Variants in STIM1 observed in about 807,000 individuals in gnomAD.
STIM1 encodes the protein stromal interaction molecule 1.
Under a neutral mutation model 74.7 loss-of-function variants are expected in STIM1, and 25 were observed. That is an observed-to-expected ratio of 0.33 (90% confidence interval 0.24 to 0.47). The LOEUF is 0.47. Among genes scored for constraint, STIM1 ranks in the 20% least tolerant of loss-of-function variants. The pLI, the probability that STIM1 is intolerant of heterozygous loss-of-function variation, is 1.00. For missense variants in STIM1, 728 were observed against 920.8 expected (o/e 0.79, Z 2.71); for synonymous variants, 328 against 348.8 (o/e 0.94, Z 0.66).
chr11:3,878,589 C>T (rs751235429), intron 1 of STIM1, among the ~76,000 whole-genome samples: 3 of 152,106 alleles, frequency 2.0e-5, no homozygotes, highest in Non-Finnish European at 4.4e-5. Flanking sequence ...GATTTGAAAC[C>T]AGGTCTGTCT....
chr11:4,081,427 C>T (rs139575569), intron 7 of STIM1, among the ~76,000 whole-genome samples: 47 of 152,350 alleles, frequency 3.1e-4, no homozygotes, highest in African/African-American at 1.1e-3. Flanking sequence ...TAGGTGTGGG[C>T]ATGCTCATTA....
At chr11:3,915,317 C>T (rs1030077870) in intron 1 of STIM1, among the ~76,000 whole-genome samples, 2 of 152,032 alleles carry the variant, frequency 1.3e-5, no homozygotes, top group African/African-American at 2.4e-5. Context: ...CTCGAATTCC[C>T]GGGCTCAAGC....
intron 1 of STIM1, among the ~76,000 whole-genome samples, chr11:3,870,324 C>G (rs1015135381): frequency 1.1e-4 from 17 of 152,116 alleles, no homozygotes; most frequent in African/African-American, 3.9e-4. Flanking sequence ...ACAGACAAAC[C>G]TGACTTCAAT....
At chr11:3,880,017 C>A (rs2091442426) in intron 1 of STIM1, among the ~76,000 whole-genome samples, 1 of 152,124 alleles carries the variant, frequency 6.6e-6, no homozygotes, top group Non-Finnish European at 1.5e-5. Flanking sequence ...TCATGGAGAT[C>A]CAGGAAGCAG....
chr11:4,071,385 C>G (rs886250976), intron 6 of STIM1, among the ~76,000 whole-genome samples: 2 of 152,020 alleles, frequency 1.3e-5, no homozygotes, highest in Non-Finnish European at 2.9e-5. Flanking sequence ...GGGTCTTGCT[C>G]TGTTGCCCAG....
chr11:3,913,221 G>T (rs368830418), intron 1 of STIM1, among the ~76,000 whole-genome samples: 4 of 151,414 alleles, frequency 2.6e-5, no homozygotes, highest in African/African-American at 9.7e-5. Flanking sequence ...ACAGGGTCTT[G>T]CTGTCGCCCA....
At position 3,856,067 on chromosome 11, in the gene STIM1, AGGAGCCAGCCCTCCTCCC is replaced by A; in HGVS notation, c.-202_-185del. ...CCCGGCGGACCCACTGTTGGACCTG[AGGAGCCAGCCCTCCTCCC>A]GCACCCAAACTTGGAGCACTTGACC... is the stretch of plus-strand genomic sequence containing the variant. On this transcript the variant is annotated 5_prime_UTR_variant, in exon 1 of 13. Coordinates refer to ENST00000526596, the MANE Select transcript of STIM1 (RefSeq NM_001382567.1). 1.6e-6 allele frequency: 1 copy of A among 623,898 alleles called. No homozygotes were observed. The highest frequency in any genetic ancestry group is 2.8e-6 in the Non-Finnish European group (1 of 353,640). 38.6% of individuals were successfully genotyped at this position (623,898 alleles called of 1,614,324 possible).
chr11:3,886,953 A>G (rs2091732977), intron 1 of STIM1, among the ~76,000 whole-genome samples: 1 of 151,836 alleles, frequency 6.6e-6, no homozygotes, highest in Non-Finnish European at 1.5e-5. Flanking sequence ...CAGTGAGCCG[A>G]GATCGCACCA....
Position 3,989,512 on chromosome 11 carries a change from C to T in STIM1, c.270+21830C>T. 3 of 598,866 alleles carry T rather than the reference C, an allele frequency of 5.0e-6. 1 individual carries two copies. Among genetic ancestry groups the T allele is most frequent in the South Asian group, 3.1e-5 (2 of 64,192 alleles). The allele number at this position is 598,866 out of a possible 1,614,324, so 37.1% of individuals were successfully genotyped here. ...GGGATGTCTGTGAGCCGCGGCGCAC[C>T]GAGAGCCTTCGCGAAGCTGGGCTGC... On this transcript the variant is annotated intron_variant, in intron 2 of 12. Coordinates refer to ENST00000526596, the MANE Select transcript of STIM1 (RefSeq NM_001382567.1).
At chr11:4,043,645 C>T (rs1448969637) in intron 3 of STIM1, among the ~76,000 whole-genome samples, 1 of 152,086 alleles carries the variant, frequency 6.6e-6, no homozygotes, top group Admixed American at 6.6e-5. Context: ...GTAAATGAAT[C>T]TAATTTATAA....
At chr11:4,003,557 C>G (rs1447260597) in intron 2 of STIM1, among the ~76,000 whole-genome samples, 5 of 151,850 alleles carry the variant, frequency 3.3e-5, no homozygotes, top group African/African-American at 1.2e-4. Flanking sequence ...GCTAAAAACT[C>G]TCAATAAATT....
At chr11:3,938,276 A>G (rs1282202609) in intron 1 of STIM1, among the ~76,000 whole-genome samples, 1 of 152,146 alleles carries the variant, frequency 6.6e-6, no homozygotes, top group Non-Finnish European at 1.5e-5. Context: ...TTCAGAAGTA[A>G]GGGGAGTCAA....
chr11:3,893,906 C>T (rs1212604934), intron 1 of STIM1, among the ~76,000 whole-genome samples: 1 of 152,088 alleles, frequency 6.6e-6, no homozygotes, highest in Non-Finnish European at 1.5e-5. Context: ...AACCTTCAGT[C>T]TCTTCTGGGA....
At chr11:3,911,585 T>C (rs1182030917) in intron 1 of STIM1, among the ~76,000 whole-genome samples, 1 of 152,056 alleles carries the variant, frequency 6.6e-6, no homozygotes, top group Non-Finnish European at 1.5e-5. Context: ...CGGGGTCTCC[T>C]TCTGTTGCTC....
intron 3 of STIM1, among the ~76,000 whole-genome samples, chr11:4,045,667 G>A (rs1449425519): frequency 2.6e-5 from 4 of 151,522 alleles, no homozygotes; most frequent in African/African-American, 4.9e-5. Context: ...TCCCAGGTTG[G>A]CCTTGAATTT....
At chr11:3,962,127 G>A (rs919520287) in intron 1 of STIM1, among the ~76,000 whole-genome samples, 6 of 152,138 alleles carry the variant, frequency 3.9e-5, no homozygotes, top group African/African-American at 1.4e-4. Context: ...TGTTACATGG[G>A]TATATTGTGT....
In STIM1 at chr11:3,909,469, A is replaced by G. The variant is rs148384170; in HGVS notation, c.139+53060A>G. Among the ~76,000 whole-genome samples, 100 of 152,306 alleles carry G rather than the reference A, an allele frequency of 6.6e-4. 1 individual carries two copies. In the Middle Eastern group the frequency reaches 0.01, roughly 16 times the overall value. Reference sequence around the variant, plus strand: ...CCAGGCAGAGGAAGCAGAAGCAGATATATTCAGTAAGGCTATTCTCAGTAA... The same window carrying G: ...CCAGGCAGAGGAAGCAGAAGCAGATGTATTCAGTAAGGCTATTCTCAGTAA... On this transcript the variant is annotated intron_variant, in intron 1 of 12. Coordinates refer to ENST00000526596, the MANE Select transcript of STIM1 (RefSeq NM_001382567.1).
At position 3,855,891 on chromosome 11, in the gene STIM1, TCTTC is replaced by T; in HGVS notation, c.-379_-376del. The stretch of plus-strand genomic sequence containing the variant: ...AGGTGCCCCCTTCTCGCCTCTCTTC[TCTTC>T]TCTTCTCTTCCTCCTCCACTTCTGT... On this transcript the variant is annotated 5_prime_UTR_variant, in exon 1 of 13. Transcript: ENST00000526596. The T allele has an allele frequency of 3.8e-6, 1 of 260,012 alleles. No individual in the cohort carries two copies. 16.1% of individuals were successfully genotyped at this position (260,012 alleles called of 1,614,324 possible).
At chr11:4,082,821 T>C (rs1440807004) in intron 8 of STIM1, 61 bp from the exon 9 acceptor site, 14 of 1,428,954 alleles carry the variant, frequency 9.8e-6, no homozygotes, top group Non-Finnish European at 3.0e-6. Flanking sequence ...GGGAAGGCCT[T>C]TCTCATTTAT....
Sources: allele counts gnomAD v4.1 joint callset (sites outside exome capture counted in the v4.1 genomes callset), GRCh38; gene constraint gnomAD v4.1.1; transcripts MANE v1.5; gene names NCBI Gene and HGNC (gene_info 2026-07-23, HGNC 2026-07-21).